ALDH3A2: variants seen among roughly 807,000 people sequenced by gnomAD.
The protein encoded by ALDH3A2 is aldehyde dehydrogenase family 3 member A2.
In ALDH3A2, 36 loss-of-function variants were observed where a neutral mutation model predicts 51.3. That is an observed-to-expected ratio of 0.70 (90% CI 0.54 to 0.93). ALDH3A2 has a LOEUF of 0.93. Among genes scored for constraint, ALDH3A2 ranks in the 40% least tolerant of loss-of-function variants. The pLI is 0.00. For synonymous variants in ALDH3A2, 199 were observed against 219.8 expected, an observed-to-expected ratio of 0.91 and a Z score of 0.84; for missense variants, 552 against 603.1, an observed-to-expected ratio of 0.92 and a Z score of 0.89.
intron 5 of ALDH3A2, among the ~76,000 whole-genome samples, chr17:19,659,884 C>T (rs2084945424): frequency 6.6e-6 from 1 of 151,086 alleles, no homozygotes; most frequent in South Asian, 2.1e-4. Context: ...CCAGGAAGTT[C>T]AGGACAATAG....
intron 2 of ALDH3A2, among the ~76,000 whole-genome samples, chr17:19,652,148 A>G (rs1056417544): frequency 1.3e-5 from 2 of 152,220 alleles, no homozygotes; most frequent in Admixed American, 6.5e-5. Context: ...AGACTATGAG[A>G]GTAATGCTAG....
rs886052698 is a variant in ALDH3A2 at position 19,677,172 on chromosome 17, C to G, written c.*1600C>G. ...GCTCCTGACTGCAGGGACTCTGTCC[C>G]CACACTCAAAAAGACTCAGCTCACT... On this transcript the variant is annotated 3_prime_UTR_variant, in exon 10 of 10. Coordinates refer to ENST00000176643, the MANE Select transcript of ALDH3A2 (RefSeq NM_000382.3). 5.3e-5 allele frequency: 8 copies of G among 152,284 alleles called. 1 individual carries two copies. The highest frequency in any genetic ancestry group is 1.2e-4 in the Non-Finnish European group (8 of 68,030). The allele number at this position is 152,284 out of a possible 1,614,324, so 9.4% of individuals were successfully genotyped here.
intron 4 of ALDH3A2, among the ~76,000 whole-genome samples, chr17:19,657,217 A>G (rs1364606258): frequency 6.6e-6 from 1 of 152,248 alleles, no homozygotes; most frequent in Non-Finnish European, 1.5e-5. Context: ...AGACACCCTC[A>G]GTTAGTGAAT....
At chr17:19,653,265 G>C (rs1205941348) in intron 3 of ALDH3A2, among the ~76,000 whole-genome samples, 1 of 151,866 alleles carries the variant, frequency 6.6e-6, no homozygotes, top group East Asian at 1.9e-4. Context: ...GGCTGGTCTC[G>C]AGCTCCTGAC....
chr17:19,661,499 A>T, intron 6 of ALDH3A2: 4 of 516,916 alleles, frequency 7.7e-6, no homozygotes, highest in Non-Finnish European at 1.4e-5. Context: ...TCATATTTAC[A>T]CATAACTCCT....
In ALDH3A2 at chr17:19,654,533, G is replaced by C. The variant is rs891115747; in HGVS notation, c.472-1833G>C. On this transcript the variant is annotated intron_variant, in intron 3 of 9. Coordinates refer to ENST00000176643, the MANE Select transcript of ALDH3A2 (RefSeq NM_000382.3). This position sits in a 1 kb window ranked among gnomAD's most constrained non-coding sequence, Gnocchi z 4.5. The stretch of plus-strand genomic sequence containing the variant: ...GGGCTGGCATTGCTGGGGGACCCGG[G>C]GCACCCTCCTCAGCAGCTGGCCCAG... Among the ~76,000 whole-genome samples, 2 of 152,154 alleles carry C rather than the reference G, an allele frequency of 1.3e-5. No homozygotes were observed. The highest frequency in any genetic ancestry group is 4.8e-5 in the African/African-American group (2 of 41,458).
intron 8 of ALDH3A2, among the ~76,000 whole-genome samples, chr17:19,667,403 G>A (rs1229364866): frequency 6.6e-6 from 1 of 151,992 alleles, no homozygotes; most frequent in African/African-American, 2.4e-5. Context: ...TAGGAAAAAT[G>A]TCTACAAGTG....
At chr17:19,660,410 G>A (rs2084951621) in intron 5 of ALDH3A2, among the ~76,000 whole-genome samples, 4 of 152,036 alleles carry the variant, frequency 2.6e-5, no homozygotes, top group Admixed American at 2.0e-4. Context: ...GGTAGAGGTT[G>A]GATGAACAAT....
At chr17:19,670,285 T>G (rs1212364194) in intron 8 of ALDH3A2, among the ~76,000 whole-genome samples, 1 of 152,166 alleles carries the variant, frequency 6.6e-6, no homozygotes, top group Non-Finnish European at 1.5e-5. Flanking sequence ...AAATGTGGAG[T>G]CTTAATGGGA....
chr17:19,667,435 T>G (rs1689758269), intron 8 of ALDH3A2, among the ~76,000 whole-genome samples: 1 of 152,238 alleles, frequency 6.6e-6, no homozygotes. Flanking sequence ...TTAAAAGGGC[T>G]TATACAATTT....
At chr17:19,653,033 A>G (rs553012259) in intron 3 of ALDH3A2, among the ~76,000 whole-genome samples, 8 of 151,250 alleles carry the variant, frequency 5.3e-5, no homozygotes, top group Non-Finnish European at 8.8e-5. Context: ...CTTTTCTGTG[A>G]TTATATAAGA....
In ALDH3A2 at chr17:19,651,542, A is replaced by T. The variant is rs187629449; in HGVS notation, c.154-5A>T. 3.1e-6 allele frequency: 5 copies of T among 1,606,392 alleles called. No individual in the cohort carries two copies. Among genetic ancestry groups the T allele is most frequent in the Non-Finnish European group, 3.4e-6 (4 of 1,173,004 alleles). On this transcript the variant is annotated splice_polypyrimidine_tract_variant and splice_region_variant and intron_variant, in intron 1 of 9. Coordinates refer to ENST00000176643, the MANE Select transcript of ALDH3A2 (RefSeq NM_000382.3). Reference sequence around the variant, plus strand: ...GCAAGATTAACTGTGATTCTCTTATAACAGAGTGAATTCAATGTGTACAGT... The same window carrying T: ...GCAAGATTAACTGTGATTCTCTTATTACAGAGTGAATTCAATGTGTACAGT...
At chr17:19,665,096 C>A in intron 8 of ALDH3A2, 49 bp downstream of exon 8, 2 of 1,495,398 alleles carry the variant, frequency 1.3e-6, no homozygotes, top group South Asian at 1.1e-5. Flanking sequence ...AAAGCACCAC[C>A]ATTTCATGAG....
At chr17:19,673,195 G>A in intron 9 of ALDH3A2, 1 of 1,614,132 alleles carries the variant, frequency 6.2e-7, no homozygotes, top group Non-Finnish European at 8.5e-7. Context: ...TGATTTTTCT[G>A]GTAGTTCACA....
At chr17:19,669,561 G>T (rs2085084254) in intron 8 of ALDH3A2, among the ~76,000 whole-genome samples, 1 of 152,110 alleles carries the variant, frequency 6.6e-6, no homozygotes, top group African/African-American at 2.4e-5. Flanking sequence ...TAGTTGTACA[G>T]TTAGCTTTAT....
intron 9 of ALDH3A2, chr17:19,673,209 T>C (rs371818817): frequency 1.4e-5 from 22 of 1,614,068 alleles, no homozygotes; most frequent in Non-Finnish European, 1.7e-5. Context: ...GTTCACAGAC[T>C]GCGTTGGTCC....
chr17:19,648,644 C>T (rs1210401019), upstream of ALDH3A2: 2 of 415,450 alleles, frequency 4.8e-6, no homozygotes, highest in South Asian at 5.0e-5. Context: ...CATCCCAGCC[C>T]GCTGCCAGAG....
chr17:19,657,683 A>C, intron 4 of ALDH3A2, 62 bp from the exon 5 acceptor site: 1 of 1,208,734 alleles, frequency 8.3e-7, no homozygotes, highest in Non-Finnish European at 1.2e-6. Flanking sequence ...AACACAATGT[A>C]ACAAATGAAT....
chr17:19,653,644 T>C (rs2084850360), intron 3 of ALDH3A2, among the ~76,000 whole-genome samples: 1 of 151,880 alleles, frequency 6.6e-6, no homozygotes, highest in Non-Finnish European at 1.5e-5. Flanking sequence ...GCCTCAGGAG[T>C]GAAGCTGCAG....
Sources: gnomAD v4.1 joint callset for allele counts (sites outside exome capture counted in the v4.1 genomes callset) on GRCh38, gnomAD v4.1.1 for gene constraint, Gnocchi (gnomAD v3.1) non-coding constraint, MANE v1.5 for transcripts, NCBI Gene and HGNC (gene_info 2026-07-23, HGNC 2026-07-21) for gene names.